Variants in PCNX4 observed in about 807,000 individuals in gnomAD.
PCNX4 encodes the protein pecanex 4, also known as pecanex-like protein 4.
A neutral mutation model predicts 107.2 loss-of-function variants in PCNX4; 103 were observed. The observed-to-expected ratio is 0.96, with a 90% CI of 0.82 to 1.13. PCNX4 has a LOEUF of 1.13. Among genes scored for constraint, PCNX4 ranks in the 50% most tolerant of loss-of-function variants. PCNX4 has a pLI of 0.00. For synonymous variants in PCNX4, 541 were observed against 481.7 expected (o/e 1.12, Z -1.61); for missense variants, 1,528 against 1,379.4 (o/e 1.11, Z -1.71).
chr14:60,121,037 T>TA (rs1895942999), intron 7 of PCNX4, among the ~76,000 whole-genome samples, 159 bp from the exon 8 acceptor site: 1 of 152,116 alleles, frequency 6.6e-6, no homozygotes, highest in Non-Finnish European at 1.5e-5. Context: ...TGCCTCCTGA[T>TA]ACACATGAAT....
chr14:60,103,297 A>G (rs962064788), intron 1 of PCNX4, among the ~76,000 whole-genome samples: 1 of 152,218 alleles, frequency 6.6e-6, no homozygotes, highest in East Asian at 1.9e-4. Flanking sequence ...AATGGGTTCC[A>G]AGGTCAAATA....
chr14:60,094,654 C>T (rs1027176539), intron 1 of PCNX4, among the ~76,000 whole-genome samples: 1 of 151,336 alleles, frequency 6.6e-6, no homozygotes, highest in Non-Finnish European at 1.5e-5. Context: ...CCAGACCCCT[C>T]CTGCCCATAC....
In PCNX4 at chr14:60,134,009, T is replaced by C. The variant is rs76189677; in HGVS notation, c.3307T>C (p.Leu1103=). 2 of 1,613,538 alleles carry C rather than the reference T, an allele frequency of 1.2e-6. No homozygotes were observed. The highest frequency in any genetic ancestry group is 1.7e-6 in the Non-Finnish European group (2 of 1,179,590). ...GAGAGTGCTTAGCCTTCAAGAATTATTGATCCAAGTGGGAAAGTTAAATCC... is the reference window on the plus strand; with the variant it reads ...GAGAGTGCTTAGCCTTCAAGAATTACTGATCCAAGTGGGAAAGTTAAATCC... ...TGRVLSLQEL[L]IQVGKLNPEA... Residue 1103 remains leucine, a synonymous_variant, in exon 11 of 11, where the codon TTG becomes CTG. Coordinates refer to ENST00000406854, the MANE Select transcript of PCNX4 (RefSeq NM_001330177.2).
intron 1 of PCNX4, among the ~76,000 whole-genome samples, chr14:60,098,720 C>T (rs1275283801): frequency 6.6e-6 from 1 of 152,044 alleles, no homozygotes; most frequent in Non-Finnish European, 1.5e-5. Context: ...GGGTGGATCA[C>T]CTGAGTTCAG....
In PCNX4 at chr14:60,115,926, A is replaced by T. The variant is rs749789713; in HGVS notation, c.1459-15A>T. 2 of 1,602,330 alleles carry T rather than the reference A, an allele frequency of 1.2e-6. No homozygotes were observed. The highest frequency in any genetic ancestry group is 1.7e-6 in the Non-Finnish European group (2 of 1,173,864). ...TAATTCTACCTGATAAAAATGGATA[A>T]TTTGTATACTGCAGGTATGGCAGAA... On this transcript the variant is annotated splice_polypyrimidine_tract_variant and intron_variant, in intron 5 of 10. Transcript: ENST00000406854.
chr14:60,124,904 C>G lies in PCNX4; in HGVS notation c.2733C>G (p.Cys911Trp). The G allele has an allele frequency of 1.2e-6, 2 of 1,613,744 alleles. No individual in the cohort carries two copies. Among genetic ancestry groups the G allele is most frequent in the Non-Finnish European group, 1.7e-6 (2 of 1,179,712 alleles). Residue 911 changes from cysteine to tryptophan, a missense_variant, in exon 9 of 11, where the codon TGC becomes TGG. Coordinates refer to ENST00000406854, the MANE Select transcript of PCNX4 (RefSeq NM_001330177.2). ...GTTGTTCACATTCTCACTTAGTATGCTTACCCGCAGAGTGGAGGACTAGCT... is the reference window on the plus strand; with the variant it reads ...GTTGTTCACATTCTCACTTAGTATGGTTACCCGCAGAGTGGAGGACTAGCT... ...EFSCSHSHLV[C>W]LPAEWRTSCM...
At chr14:60,131,284 A>C (rs537259668) in intron 10 of PCNX4, among the ~76,000 whole-genome samples, 29 of 152,372 alleles carry the variant, frequency 1.9e-4, no homozygotes, top group African/African-American at 4.6e-4. Flanking sequence ...AATTGTCTCT[A>C]TTCACAGCTG....
chr14:60,101,498 A>T (rs1305043967), intron 1 of PCNX4, among the ~76,000 whole-genome samples: 2 of 152,238 alleles, frequency 1.3e-5, no homozygotes, highest in Non-Finnish European at 2.9e-5. Context: ...TGAAAGTACA[A>T]CAAAAATATA....
At chr14:60,128,817 G>A (rs980200100) in intron 10 of PCNX4, among the ~76,000 whole-genome samples, 1 of 152,210 alleles carries the variant, frequency 6.6e-6, no homozygotes, top group Admixed American at 6.5e-5. Flanking sequence ...ACAAAGGAAG[G>A]CAGTAGGGGC....
chr14:60,115,936 T>C lies in PCNX4; in HGVS notation c.1459-5T>C. 1.2e-6 allele frequency: 2 copies of C among 1,607,932 alleles called. No homozygotes were observed. Among genetic ancestry groups the C allele is most frequent in the Non-Finnish European group, 1.7e-6 (2 of 1,176,362 alleles). On this transcript the variant is annotated splice_polypyrimidine_tract_variant and splice_region_variant and intron_variant, in intron 5 of 10. Transcript: ENST00000406854. ...TGATAAAAATGGATAATTTGTATAC[T>C]GCAGGTATGGCAGAATACAGAAAAT...
chr14:60,113,681 T>G (rs1326539485), intron 2 of PCNX4, among the ~76,000 whole-genome samples: 1 of 152,160 alleles, frequency 6.6e-6, no homozygotes, highest in Non-Finnish European at 1.5e-5. Context: ...AGAAATGTCT[T>G]TCTCCTCAAC....
chr14:60,120,337 G>C (rs1895930888), intron 7 of PCNX4, among the ~76,000 whole-genome samples: 1 of 152,070 alleles, frequency 6.6e-6, no homozygotes, highest in South Asian at 2.1e-4. Flanking sequence ...TGTCTGCCTA[G>C]GACATACCAA....
Position 60,140,167 on chromosome 14 carries a change from C to T in PCNX4, c.*5946C>T, listed in dbSNP as rs1355078244. 6.6e-6 allele frequency: 1 copy of T among 152,032 alleles called. No individual in the cohort carries two copies. The highest frequency in any genetic ancestry group is 1.5e-5 in the Non-Finnish European group (1 of 67,976). The allele number at this position is 152,032 out of a possible 1,614,324, so 9.4% of individuals were successfully genotyped here. A position where few individuals can be genotyped will look rare whatever the true frequency, so the allele number is the denominator to read the frequency against. On this transcript the variant is annotated 3_prime_UTR_variant, in exon 11 of 11. Transcript: ENST00000406854. This position sits in a 1 kb window ranked among gnomAD's most constrained non-coding sequence, Gnocchi z 4.2. ...AGGAAGAAACACAAACAACCAATAT[C>T]AGGAATGAAAGGATATTACAAATCC...
chr14:60,108,472 C>A lies in PCNX4; in HGVS notation c.689+145C>A, dbSNP rs182556661. ...GTGACAGGTTATTTTGATAATTATTCTTTTAGGATTAATCTCTGTAAAACA... is the reference window on the plus strand; with the variant it reads ...GTGACAGGTTATTTTGATAATTATTATTTTAGGATTAATCTCTGTAAAACA... On this transcript the variant is annotated intron_variant, in intron 2 of 10. Coordinates refer to ENST00000406854, the MANE Select transcript of PCNX4 (RefSeq NM_001330177.2). 2.9e-4 allele frequency: 178 copies of A among 610,100 alleles called. No individual in the cohort carries two copies. The East Asian group carries it at 4.5e-3, about 16-fold the overall frequency. The allele number at this position is 610,100 out of a possible 1,614,324, so 37.8% of individuals were successfully genotyped here.
intron 10 of PCNX4, among the ~76,000 whole-genome samples, chr14:60,128,414 A>G (rs1797027048): frequency 6.6e-6 from 1 of 152,224 alleles, no homozygotes; most frequent in Admixed American, 6.5e-5. Flanking sequence ...AATGGAGGCC[A>G]GAAGCATGGA....
chr14:60,119,479 A>T (rs1348562611), intron 7 of PCNX4, among the ~76,000 whole-genome samples: 1 of 152,208 alleles, frequency 6.6e-6, no homozygotes, highest in Non-Finnish European at 1.5e-5. Context: ...TAAGATTAGA[A>T]TTTTAATAAA....
rs775737140 is a variant in PCNX4 at position 60,144,902 on chromosome 14, A to G, written c.*10681A>G. ...GTCTTTGATTATTCAGAAGCATAAGAAGATTGCTGTTTTCATGTTTTCCAT... is the reference window on the plus strand; with the variant it reads ...GTCTTTGATTATTCAGAAGCATAAGGAGATTGCTGTTTTCATGTTTTCCAT... On this transcript the variant is annotated 3_prime_UTR_variant, in exon 11 of 11. Coordinates refer to ENST00000406854, the MANE Select transcript of PCNX4 (RefSeq NM_001330177.2). 3.8e-6 allele frequency: 5 copies of G among 1,314,396 alleles called. No homozygotes were observed. The highest frequency in any genetic ancestry group is 5.5e-6 in the Non-Finnish European group (5 of 911,370). The allele number at this position is 1,314,396 out of a possible 1,614,324, so 81.4% of individuals were successfully genotyped here.
chr14:60,111,502 A>G (rs1895740349), intron 2 of PCNX4, among the ~76,000 whole-genome samples: 3 of 152,202 alleles, frequency 2.0e-5, no homozygotes, highest in African/African-American at 7.2e-5. Context: ...ATGTGTGTAT[A>G]CACATGATTG....
chr14:60,099,386 A>G (rs749682431), intron 1 of PCNX4, among the ~76,000 whole-genome samples: 7 of 152,222 alleles, frequency 4.6e-5, no homozygotes, highest in African/African-American at 1.2e-4. Flanking sequence ...AAGTTTGTCT[A>G]ATCATTTTTA....
Sources: allele counts gnomAD v4.1 joint callset (sites outside exome capture counted in the v4.1 genomes callset), GRCh38; gene constraint gnomAD v4.1.1; non-coding constraint Gnocchi (gnomAD v3.1); transcripts MANE v1.5; gene names NCBI Gene and HGNC (gene_info 2026-07-23, HGNC 2026-07-21).